Variants in LRP1B observed in about 807,000 individuals in gnomAD.
LRP1B encodes LDL receptor related protein 1B.
In LRP1B, 217 loss-of-function variants were observed where a neutral mutation model predicts 556.6. The observed-to-expected ratio is 0.39, with a 90% CI of 0.35 to 0.44. The LOEUF (loss-of-function observed/expected upper bound fraction) is 0.44. LRP1B is among the 20% of genes least tolerant of loss of function. The pLI, the probability that LRP1B is intolerant of heterozygous loss-of-function variation, is 1.00. For missense variants in LRP1B, 5,053 were observed against 5,620.8 expected, an observed-to-expected ratio of 0.90 and a Z score of 3.23; for synonymous variants, 2,047 against 1,865.8, an observed-to-expected ratio of 1.10 and a Z score of -2.50.
At chr2:141,018,703 C>T (rs1158029029) in intron 12 of LRP1B, among the ~76,000 whole-genome samples, 1 of 152,070 alleles carries the variant, frequency 6.6e-6, no homozygotes, top group Non-Finnish European at 1.5e-5. Flanking sequence ...AAATTTCTTT[C>T]TTCAGATAGA....
chr2:141,987,223 C>A (rs749097790), intron 1 of LRP1B, among the ~76,000 whole-genome samples: 2 of 151,798 alleles, frequency 1.3e-5, no homozygotes, highest in Non-Finnish European at 2.9e-5. Flanking sequence ...GACTATTACA[C>A]GGATCAAGTA....
chr2:141,934,221 G>C (rs1336740490), intron 1 of LRP1B, among the ~76,000 whole-genome samples: 1 of 152,014 alleles, frequency 6.6e-6, no homozygotes, highest in African/African-American at 2.4e-5. Context: ...AGGAATCATA[G>C]AGTCTAGTAA....
At chr2:140,637,792 A>G (rs973130160) in intron 41 of LRP1B, among the ~76,000 whole-genome samples, 1 of 152,206 alleles carries the variant, frequency 6.6e-6, no homozygotes, top group African/African-American at 2.4e-5. Context: ...AAATTCCAGC[A>G]TTACTTCTCA....
intron 18 of LRP1B, among the ~76,000 whole-genome samples, chr2:140,981,284 A>C (rs945290294): frequency 6.6e-6 from 1 of 151,992 alleles, no homozygotes; most frequent in Admixed American, 6.6e-5. Flanking sequence ...GAAGGGTTAA[A>C]AAAACCTATT....
At chr2:141,388,377 G>A (rs1040675159) in intron 3 of LRP1B, among the ~76,000 whole-genome samples, 11 of 152,004 alleles carry the variant, frequency 7.2e-5, no homozygotes, top group Non-Finnish European at 1.6e-4. Context: ...CAGAGGTTGC[G>A]GTGAGCCAAG....
intron 5 of LRP1B, among the ~76,000 whole-genome samples, chr2:141,234,990 TA>T (rs1683599416): frequency 1.4e-5 from 2 of 146,150 alleles, no homozygotes; most frequent in African/African-American, 5.0e-5. Context: ...ATTCCTTAAC[TA>T]TTTTTTAACA....
intron 1 of LRP1B, among the ~76,000 whole-genome samples, chr2:141,962,690 C>T (rs1701436020): frequency 6.6e-6 from 1 of 151,674 alleles, no homozygotes; most frequent in African/African-American, 2.4e-5. Context: ...ACTAAAAAGG[C>T]CACATAAAGA....
chr2:141,669,084 A>G (rs1340327261), intron 2 of LRP1B, among the ~76,000 whole-genome samples: 2 of 151,090 alleles, frequency 1.3e-5, no homozygotes, highest in African/African-American at 2.4e-5. Flanking sequence ...TAACCCCAAG[A>G]ACCTCAGAAT....
intron 1 of LRP1B, among the ~76,000 whole-genome samples, chr2:141,868,430 A>G (rs1411092746): frequency 6.6e-6 from 1 of 152,176 alleles, no homozygotes; most frequent in African/African-American, 2.4e-5. Context: ...TAGTATTCAT[A>G]TGGGCCTTTT....
chr2:141,012,090 T>C (rs1433681827), intron 14 of LRP1B, among the ~76,000 whole-genome samples: 1 of 152,032 alleles, frequency 6.6e-6, no homozygotes, highest in Non-Finnish European at 1.5e-5. Context: ...AAATCTTTCA[T>C]GATGAGTCCA....
intron 72 of LRP1B, among the ~76,000 whole-genome samples, chr2:140,361,921 A>C (rs1011820878): frequency 1.3e-5 from 2 of 151,628 alleles, no homozygotes; most frequent in African/African-American, 4.8e-5. Context: ...CCAGTCTTCT[A>C]ATCTTTACTT....
intron 1 of LRP1B, among the ~76,000 whole-genome samples, chr2:142,103,805 G>T (rs1229811050): frequency 6.6e-6 from 1 of 151,502 alleles, no homozygotes; most frequent in African/African-American, 2.4e-5. Context: ...TAAATAAATG[G>T]CATTTCTGAC....
At chr2:140,676,514 C>T (rs967169372) in intron 41 of LRP1B, among the ~76,000 whole-genome samples, 1 of 152,070 alleles carries the variant, frequency 6.6e-6, no homozygotes, top group Non-Finnish European at 1.5e-5. Flanking sequence ...GCAAGGCATG[C>T]AATCATAAAG....
chr2:140,855,493 G>GGAAAAAAAAAAAA lies in LRP1B; in HGVS notation c.4580-3711_4580-3710insTTTTTTTTTTTTC, dbSNP rs570169727. Among the ~76,000 whole-genome samples the GGAAAAAAAAAAAA allele has an allele frequency of 4.1e-4, 41 of 99,410 alleles. 9 individuals are homozygous for GGAAAAAAAAAAAA. The highest frequency in any genetic ancestry group is 0.014 in the Middle Eastern group (2 of 138). 65.2% of individuals were successfully genotyped at this position (99,410 alleles called of 152,430 possible). A position where few individuals can be genotyped will look rare whatever the true frequency, so the allele number is the denominator to read the frequency against. The stretch of plus-strand genomic sequence containing the variant: ...GACAGGTAGGTCCCATCTCTACTGG[G>GGAAAAAAAAAAAA]AAAAAAAAAAAATTTGAATGGCTTC... On this transcript the variant is annotated intron_variant, in intron 27 of 90. Transcript: ENST00000389484.
rs1681788379 is a variant in LRP1B, at chr2:140,258,345, T to C, written c.13248-11183A>G. Among the ~76,000 whole-genome samples the C allele has an allele frequency of 3.3e-5, 5 of 151,790 alleles. No homozygotes were observed. The South Asian group carries it at 1.0e-3, about 32-fold the overall frequency. On this transcript the variant is annotated intron_variant, in intron 86 of 90. Coordinates refer to ENST00000389484, the MANE Select transcript of LRP1B (RefSeq NM_018557.3). ...ATCCACCCTAAAAATGTTTATAAGA[T>C]CTACTTCCTGCCCATGTTTTCTAAG...
intron 1 of LRP1B, among the ~76,000 whole-genome samples, chr2:142,068,114 G>T (rs1034059488): frequency 6.6e-5 from 10 of 151,356 alleles, no homozygotes; most frequent in African/African-American, 2.4e-4. Context: ...TAAACATTCT[G>T]CTTCTAGTCC....
At chr2:141,115,628 T>C (rs963789351) in intron 7 of LRP1B, among the ~76,000 whole-genome samples, 130 of 50,074 alleles carry the variant, frequency 2.6e-3, no homozygotes, top group Non-Finnish European at 5.0e-3. Context: ...GGCTAATTTG[T>C]GTGTGTGTGT....
At chr2:140,705,299 G>T (rs116915039) in intron 37 of LRP1B, among the ~76,000 whole-genome samples, 1 of 151,806 alleles carries the variant, frequency 6.6e-6, no homozygotes, top group African/African-American at 2.4e-5. Context: ...TGAGGCAGGC[G>T]TATCACTTGA....
chr2:141,018,020 T>C (rs1052430060), intron 12 of LRP1B, among the ~76,000 whole-genome samples: 1 of 150,258 alleles, frequency 6.7e-6, no homozygotes, highest in Admixed American at 6.7e-5. Flanking sequence ...AAAAAAATTA[T>C]GAAAGCTTTA....
Sources: allele counts gnomAD v4.1 joint callset (sites outside exome capture counted in the v4.1 genomes callset), GRCh38; gene constraint gnomAD v4.1.1; transcripts MANE v1.5; gene names NCBI Gene and HGNC (gene_info 2026-07-23, HGNC 2026-07-21).